The following NOTCH3 variants were observed in gnomAD, a reference collection of about 807,000 sequenced individuals.
NOTCH3 encodes neurogenic locus notch homolog protein 3.
Under a neutral mutation model 213.3 loss-of-function variants are expected in NOTCH3, and 86 were observed. That is an observed-to-expected ratio of 0.40 (90% confidence interval 0.34 to 0.48). The LOEUF (loss-of-function observed/expected upper bound fraction) is 0.48. Ranked by LOEUF, NOTCH3 falls within the 20% of genes least tolerant of loss-of-function variation. The probability of loss-of-function intolerance (pLI) is 0.57; values close to 1 mark genes in which losing one functional copy is unlikely to be tolerated. For missense variants in NOTCH3, 2,783 were observed against 3,272.6 expected, an observed-to-expected ratio of 0.85 and a Z score of 3.65; for synonymous variants, 1,354 against 1,355.9, an observed-to-expected ratio of 1.00 and a Z score of 0.03.
At chr19:15,187,083 C>T (rs1568359307) in intron 11 of NOTCH3, 22 bp downstream of exon 11, 1 of 1,610,090 alleles carries the variant, frequency 6.2e-7, no homozygotes, top group East Asian at 2.2e-5. Context: ...TGTGCTGTTT[C>T]TGCCCCAGCC....
chr19:15,165,931 A>C lies in NOTCH3; in HGVS notation c.5523T>G (p.Thr1841=). 1 of 1,614,180 alleles carries C rather than the reference A, an allele frequency of 6.2e-7. No individual in the cohort carries two copies. Among genetic ancestry groups the C allele is most frequent in the Non-Finnish European group, 8.5e-7 (1 of 1,180,034 alleles). ...LGARTDRTGE[T]ALHLAARYAR... is the part of the protein sequence containing the mutation. Reference sequence around the variant, plus strand: ...CATAACGGGCAGCCAGGTGCAAAGCAGTCTCGCCAGTACGGTCAGTCCGTG... The same window carrying C: ...CATAACGGGCAGCCAGGTGCAAAGCCGTCTCGCCAGTACGGTCAGTCCGTG... The change falls in exon 30 of 33, where the codon ACT becomes ACG. Residue 1841 remains threonine (T), a synonymous_variant. Coordinates refer to ENST00000263388, the MANE Select transcript of NOTCH3 (RefSeq NM_000435.3). This position sits in a 1 kb window ranked among gnomAD's most constrained non-coding sequence, Gnocchi z 4.7.
intron 6 of NOTCH3, 55 bp from the exon 7 acceptor site, chr19:15,189,483 C>T: frequency 6.3e-6 from 10 of 1,584,930 alleles, no homozygotes; most frequent in Non-Finnish European, 8.7e-6. Flanking sequence ...GCCCAAAAGG[C>T]CCACACCCCT....
chr19:15,199,260 CGTGT>C (rs1470432081), intron 1 of NOTCH3, among the ~76,000 whole-genome samples: 13 of 152,074 alleles, frequency 8.5e-5, no homozygotes, highest in Admixed American at 5.9e-4. Context: ...TGGGTGTGCC[CGTGT>C]GTGTATGAGC....
intron 2 of NOTCH3, among the ~76,000 whole-genome samples, chr19:15,195,701 T>G (rs1461517814): frequency 6.7e-6 from 1 of 148,940 alleles, no homozygotes; most frequent in Non-Finnish European, 1.5e-5. Context: ...GGGCGACCAC[T>G]GCGGCCCCGA....
chr19:15,169,560 G>C (rs376695864), intron 28 of NOTCH3, among the ~76,000 whole-genome samples: 3 of 152,076 alleles, frequency 2.0e-5, no homozygotes, highest in Non-Finnish European at 4.4e-5. Flanking sequence ...TAGTACAGAC[G>C]GGGTTTCACC....
rs1270668897 is a variant in NOTCH3 at position 15,160,257 on chromosome 19, AAAT to A, written c.*402_*404del. 8 of 241,636 alleles carry A rather than the reference AAAT, an allele frequency of 3.3e-5. No homozygotes were observed. Among genetic ancestry groups the A allele is most frequent in the African/African-American group, 6.6e-5 (3 of 45,482 alleles). 15.0% of individuals were successfully genotyped at this position (241,636 alleles called of 1,614,324 possible). On this transcript the variant is annotated 3_prime_UTR_variant, in exon 33 of 33. Coordinates refer to ENST00000263388, the MANE Select transcript of NOTCH3 (RefSeq NM_000435.3). ...CATCTCCATATATATATTTTGTAAA[AAAT>A]AATAATAATAAGTTTGTTTAAATGA... is the stretch of plus-strand genomic sequence containing the variant.
At chr19:15,162,378 TGA>T (rs1044546238) in intron 32 of NOTCH3, 85 bp downstream of exon 32, 2 of 924,970 alleles carry the variant, frequency 2.2e-6, no homozygotes, top group African/African-American at 1.6e-5. Context: ...TTTTGTTTTT[TGA>T]GAGAGTCTCA....
rs752030208 is a variant in NOTCH3, at chr19:15,161,016, C to A, written c.6612G>T (p.Pro2204=). ...QLLNPGTPVS[P]QERPPPYLAV... ...CCAGGTAAGGCGGGGGCCGCTCCTG[C>A]GGGGAGACGGGGGTCCCTGGGTTGA... Residue 2204 remains proline (P), a synonymous_variant, in exon 33 of 33, where the codon CCG becomes CCT. Transcript: ENST00000263388. 2.6e-6 allele frequency: 4 copies of A among 1,534,942 alleles called. No individual in the cohort carries two copies. Among genetic ancestry groups the A allele is most frequent in the East Asian group, 2.4e-5 (1 of 41,746 alleles).
intron 1 of NOTCH3, among the ~76,000 whole-genome samples, chr19:15,199,672 ATGTG>A (rs2046995774): frequency 6.6e-6 from 1 of 152,152 alleles, no homozygotes; most frequent in Non-Finnish European, 1.5e-5. Context: ...ACCTAGAGCT[ATGTG>A]TGCCAGCGAG....
chr19:15,192,831 C>T (rs1291848251), intron 2 of NOTCH3, among the ~76,000 whole-genome samples: 2 of 152,104 alleles, frequency 1.3e-5, no homozygotes, highest in Non-Finnish European at 2.9e-5. Context: ...AGGAGAATTG[C>T]TTGAACTCGG....
rs1006378118 is a variant in NOTCH3, at chr19:15,160,050, C to T, written c.*612G>A. 8.5e-6 allele frequency: 2 copies of T among 233,992 alleles called. No homozygotes were observed. The highest frequency in any genetic ancestry group is 4.4e-5 in the African/African-American group (2 of 45,340). 14.5% of individuals were successfully genotyped at this position (233,992 alleles called of 1,614,324 possible). Reference sequence around the variant, plus strand: ...GGTGGGGAGGAGGCTCCCAACACTCCCCCGACCCCTGGCCCCAGTGGGTGC... The same window carrying T: ...GGTGGGGAGGAGGCTCCCAACACTCTCCCGACCCCTGGCCCCAGTGGGTGC... On this transcript the variant is annotated 3_prime_UTR_variant, in exon 33 of 33. Coordinates refer to ENST00000263388, the MANE Select transcript of NOTCH3 (RefSeq NM_000435.3).
intron 2 of NOTCH3, among the ~76,000 whole-genome samples, chr19:15,194,450 C>G (rs2046954108): frequency 6.6e-6 from 1 of 152,174 alleles, no homozygotes; most frequent in East Asian, 1.9e-4. Flanking sequence ...ACCTCCAGAA[C>G]TTCAAGAGAA....
chr19:15,181,871 C>T, intron 16 of NOTCH3, 70 bp from the exon 17 acceptor site: 1 of 1,326,650 alleles, frequency 7.5e-7, no homozygotes. Flanking sequence ...TGGGATATGC[C>T]TTGGATTGAG....
chr19:15,175,303 T>C (rs149247403), intron 24 of NOTCH3, among the ~76,000 whole-genome samples: 23,658 of 139,008 alleles, frequency 0.17, 3,278 homozygotes, highest in African/African-American at 0.38. Flanking sequence ...GAGGCCAAGG[T>C]GTACGGATAA....
intron 29 of NOTCH3, 105 bp downstream of exon 29, chr19:15,167,144 A>C: frequency 8.0e-7 from 1 of 1,251,204 alleles, no homozygotes; most frequent in Non-Finnish European, 1.1e-6. Context: ...CCTTCACAGA[A>C]GCTTAGAGAC....
chr19:15,164,953 CA>C (rs1289769370), intron 31 of NOTCH3, among the ~76,000 whole-genome samples: 5 of 152,064 alleles, frequency 3.3e-5, no homozygotes, highest in African/African-American at 1.2e-4. Flanking sequence ...GCTAATCTTT[CA>C]AAAAACTTTT....
chr19:15,179,979 G>C, intron 20 of NOTCH3, 93 bp downstream of exon 20: 2 of 847,036 alleles, frequency 2.4e-6, no homozygotes. Context: ...CATATCTAGA[G>C]ACATACCCAT....
chr19:15,186,375 T>TTGTGTG (rs1309435774), intron 12 of NOTCH3, among the ~76,000 whole-genome samples: 7 of 123,320 alleles, frequency 5.7e-5, no homozygotes, highest in Non-Finnish European at 1.0e-4. Context: ...TTGTTTGTTT[T>TTGTGTG]TGTATGTGTG....
At chr19:15,183,705 G>A (rs1381490427) in intron 16 of NOTCH3, among the ~76,000 whole-genome samples, 1 of 152,054 alleles carries the variant, frequency 6.6e-6, no homozygotes, top group Non-Finnish European at 1.5e-5. Flanking sequence ...GGCCTCTGGG[G>A]GGCCTTTTAT....
Sources: gnomAD v4.1 joint callset for allele counts (sites outside exome capture counted in the v4.1 genomes callset) on GRCh38, gnomAD v4.1.1 for gene constraint, Gnocchi (gnomAD v3.1) non-coding constraint, MANE v1.5 for transcripts, NCBI Gene and HGNC (gene_info 2026-07-23, HGNC 2026-07-21) for gene names.